Variants in ZNF628 observed in about 807,000 individuals in gnomAD.
ZNF628 encodes the protein zinc finger protein 628, also known as zinc finger protein Zec.
ZNF628 carries 3 observed loss-of-function variants against 2.5 expected under a neutral mutation model. That is an observed-to-expected ratio of 1.19 (90% CI 0.54 to 3.07). The LOEUF is 3.07. ZNF628 is among the 30% of genes most tolerant of loss of function. The pLI is 0.03. For synonymous variants in ZNF628, 861 were observed against 717.1 expected (o/e 1.20, Z -3.21); for missense variants, 1,610 against 1,517.1 (o/e 1.06, Z -1.02).
chr19:55,483,481 C>T lies in ZNF628; in HGVS notation c.2288C>T (p.Ala763Val). 6.5e-7 allele frequency: 1 copy of T among 1,529,048 alleles called. No individual in the cohort carries two copies. The highest frequency in any genetic ancestry group is 8.8e-7 in the Non-Finnish European group (1 of 1,140,070). The allele number at this position is 1,529,048 out of a possible 1,614,324, so 94.7% of individuals were successfully genotyped here. A position where few individuals can be genotyped will look rare whatever the true frequency, so the allele number is the denominator to read the frequency against. ...GGCCGTGCAAGGCAGGGCCCGCGGG[C>T]AGTGGGGAAAGCGGGCCAGGGGGCG... ...GGGRARQGPR[A>V]VGKAGQGAGV... The change falls in exon 3 of 3, where the codon GCA becomes GTA. Residue 763 changes from alanine (A) to valine (V), a missense_variant. This residue lies in a region of ZNF628 where 712 missense variants were observed against 603.6 expected (regional missense o/e 1.18). Transcript: ENST00000598519.
rs1348721418 is a variant in ZNF628, at chr19:55,483,930, G to C, written c.2737G>C (p.Glu913Gln). Residue 913 changes from glutamate (E) to glutamine (Q), a missense_variant, in exon 3 of 3, where the codon GAG (glutamate) becomes CAG (glutamine). Around this residue, in one of 5 missense-constraint regions of ZNF628, gnomAD observed 712 missense variants for 603.6 expected, o/e 1.18. Coordinates refer to ENST00000598519, the MANE Select transcript of ZNF628 (RefSeq NM_033113.3). ...GGGCCCCGGGGAGGCGGGGGATGGC[G>C]AGGCCAGCACTGGTGTGGTCCAGGA... The part of the protein sequence containing the change: ...GPGPGEAGDG[E>Q]ASTGVVQDVL... 5 of 1,576,500 alleles carry C rather than the reference G, an allele frequency of 3.2e-6. No individual in the cohort carries two copies. The South Asian group carries it at 4.7e-5, about 15-fold the overall frequency.
Position 55,483,188 on chromosome 19 carries a change from A to G in ZNF628, c.1995A>G (p.Pro665=). ...APAAGPQPPA[P]LAAARAPPAT... is the part of the protein sequence containing the mutation. ...CCGCCGGCCCCCAGCCCCCTGCTCC[A>G]CTGGCTGCTGCGCGGGCCCCGCCAG... Residue 665 remains proline, a synonymous_variant, in exon 3 of 3, where the codon CCA becomes CCG. Transcript: ENST00000598519. 1.3e-6 allele frequency: 2 copies of G among 1,549,114 alleles called. No homozygotes were observed. The highest frequency in any genetic ancestry group is 2.3e-5 in the South Asian group (2 of 85,208).
chr19:55,482,056 A>C lies in ZNF628; in HGVS notation c.863A>C (p.Glu288Ala), dbSNP rs1042062991. ...CCTGAGCTCTTTTTGGCGGCGGCGG[A>C]GACCACGGTGGAGCTGGTGTACCGC... The part of the protein sequence containing the change: ...VVPELFLAAA[E>A]TTVELVYRCD... Residue 288 changes from glutamate to alanine, a missense_variant, in exon 3 of 3, where the codon GAG (glutamate) becomes GCG (alanine). Transcript: ENST00000598519. 7 of 1,405,136 alleles carry C rather than the reference A, an allele frequency of 5.0e-6. No homozygotes were observed. In the East Asian group the frequency reaches 1.1e-4, roughly 22 times the overall value. 87.0% of individuals were successfully genotyped at this position (1,405,136 alleles called of 1,614,324 possible). A position where few individuals can be genotyped will look rare whatever the true frequency, so the allele number is the denominator to read the frequency against.
rs1190218386 is a variant in ZNF628, at chr19:55,483,209, G to A, written c.2016G>A (p.Pro672=). ...CTCCACTGGCTGCTGCGCGGGCCCC[G>A]CCAGCCACCCAAGATGTCCACGTCC... ...PPAPLAAARA[P]PATQDVHVLP... Residue 672 remains proline, a synonymous_variant, in exon 3 of 3, where the codon CCG becomes CCA. Coordinates refer to ENST00000598519, the MANE Select transcript of ZNF628 (RefSeq NM_033113.3). 1.3e-6 allele frequency: 2 copies of A among 1,542,152 alleles called. No homozygotes were observed. The highest frequency in any genetic ancestry group is 8.7e-7 in the Non-Finnish European group (1 of 1,150,592).
chr19:55,479,955 G>A lies in ZNF628; in HGVS notation c.7+38G>A, dbSNP rs1986657311. ...GGAGTGCATGGGCCAGAGACATGTA[G>A]TGTGAGCCAGGGAGGGTGATGGTGA... is the stretch of plus-strand genomic sequence containing the variant. On this transcript the variant is annotated intron_variant, in intron 2 of 2. Coordinates refer to ENST00000598519, the MANE Select transcript of ZNF628 (RefSeq NM_033113.3). This position sits in a 1 kb window ranked among gnomAD's most constrained non-coding sequence, Gnocchi z 5.1. 1 of 399,188 alleles carries A rather than the reference G, an allele frequency of 2.5e-6. No homozygotes were observed. Among genetic ancestry groups the A allele is most frequent in the African/African-American group, 2.1e-5 (1 of 48,622 alleles). The allele number at this position is 399,188 out of a possible 1,614,324, so 24.7% of individuals were successfully genotyped here.
intron 1 of ZNF628, among the ~76,000 whole-genome samples, chr19:55,477,025 T>A (rs1358102538): frequency 6.6e-6 from 1 of 152,326 alleles, no homozygotes; most frequent in African/African-American, 2.4e-5. Flanking sequence ...TACAGAAGCT[T>A]TCTGACTTAA....
chr19:55,481,869 C>G lies in ZNF628; in HGVS notation c.676C>G (p.His226Asp). 6.4e-7 allele frequency: 1 copy of G among 1,560,414 alleles called. No homozygotes were observed. The highest frequency in any genetic ancestry group is 8.7e-7 in the Non-Finnish European group (1 of 1,155,620). ...SSNLLLHQRT[H>D]GAAPAPGTAS... ...CAACCTGCTGCTGCACCAGCGCACG[C>G]ACGGCGCCGCCCCCGCCCCGGGTAC... is the stretch of plus-strand genomic sequence containing the variant. The change falls in exon 3 of 3, where the codon CAC (histidine) becomes GAC (aspartate). Residue 226 changes from histidine to aspartate, a missense_variant. Around this residue, in one of 5 missense-constraint regions of ZNF628, gnomAD observed 651 missense variants for 575.6 expected, o/e 1.13. Coordinates refer to ENST00000598519, the MANE Select transcript of ZNF628 (RefSeq NM_033113.3).
At chr19:55,481,078 G>C in intron 2 of ZNF628, 123 bp from the exon 3 acceptor site, 1 of 1,301,460 alleles carries the variant, frequency 7.7e-7, no homozygotes, top group African/African-American at 1.5e-5. Context: ...TCCTAAGGAA[G>C]GTCCCCTGCA....
chr19:55,477,319 A>G (rs1254472754), intron 1 of ZNF628, among the ~76,000 whole-genome samples: 2 of 151,556 alleles, frequency 1.3e-5, no homozygotes, highest in Non-Finnish European at 2.9e-5. Context: ...GGGCTTCTCA[A>G]AGGCACGTGC....
At position 55,481,433 on chromosome 19, in the gene ZNF628, C is replaced by T. The variant is rs761959264; in HGVS notation, c.240C>T (p.Leu80=). 81 of 1,610,532 alleles carry T rather than the reference C, an allele frequency of 5.0e-5. No homozygotes were observed. Among genetic ancestry groups the T allele is most frequent in the Non-Finnish European group, 6.1e-5 (72 of 1,179,040 alleles). ...PKAFKGSSAL[L]YHQRGHTGER... ...CTTTCAAAGGCTCCTCGGCCCTGCT[C>T]TACCACCAGCGAGGCCACACGGGCG... The change falls in exon 3 of 3, where the codon CTC becomes CTT. Residue 80 remains leucine, a synonymous_variant. Transcript: ENST00000598519.
In ZNF628 at chr19:55,483,549, G is replaced by A. The variant is rs1397163537; in HGVS notation, c.2356G>A (p.Gly786Arg). 1.3e-6 allele frequency: 2 copies of A among 1,587,656 alleles called. No individual in the cohort carries two copies. The highest frequency in any genetic ancestry group is 1.2e-5 in the South Asian group (1 of 86,698). ...AGGCCCTGGGGGTCTAGGGGTGCAG[G>A]GAGCGGCCAGCGCTGGGGCCAGCGG... ...LPGPGGLGVQ[G>R]AASAGASGTG... The change falls in exon 3 of 3, where the codon GGA (glycine) becomes AGA (arginine). Residue 786 changes from glycine (G) to arginine (R), a missense_variant. By Grantham distance (125) the Gly-to-Arg change is moderately radical. Transcript: ENST00000598519.
At position 55,484,436 on chromosome 19, in the gene ZNF628, G is replaced by A; in HGVS notation, c.*63G>A. On this transcript the variant is annotated 3_prime_UTR_variant, in exon 3 of 3. Coordinates refer to ENST00000598519, the MANE Select transcript of ZNF628 (RefSeq NM_033113.3). ...CCCCGACTCACTGCCAGCCGGGGCG[G>A]GGCAGGGTGCCGCAGGCTGGGCTTG... 7.3e-7 allele frequency: 1 copy of A among 1,375,406 alleles called. No individual in the cohort carries two copies. Among genetic ancestry groups the A allele is most frequent in the East Asian group, 2.7e-5 (1 of 37,680 alleles). 85.2% of individuals were successfully genotyped at this position (1,375,406 alleles called of 1,614,324 possible).
intron 1 of ZNF628, among the ~76,000 whole-genome samples, chr19:55,477,353 G>GTTTTTTTTTTTTTTTTTTTT (rs60568698): frequency 6.8e-6 from 1 of 146,856 alleles, no homozygotes; most frequent in African/African-American, 2.5e-5. Context: ...CAGTAGGTTT[G>GTTTTTTTTTTTTTTTTTTTT]TTTTTTTTTT....
chr19:55,483,307 C>T lies in ZNF628; in HGVS notation c.2114C>T (p.Ala705Val). 1 of 1,524,142 alleles carries T rather than the reference C, an allele frequency of 6.6e-7. No homozygotes were observed. Among genetic ancestry groups the T allele is most frequent in the Non-Finnish European group, 8.8e-7 (1 of 1,139,254 alleles). The allele number at this position is 1,524,142 out of a possible 1,614,324, so 94.4% of individuals were successfully genotyped here. The change falls in exon 3 of 3, where the codon GCA (alanine) becomes GTA (valine). Residue 705 changes from alanine (A) to valine (V), a missense_variant. Coordinates refer to ENST00000598519, the MANE Select transcript of ZNF628 (RefSeq NM_033113.3). ...GTAQAPSLGP[A>V]APNSQTFLLV... ...GCCCAGGCCCCGAGCTTGGGGCCAG[C>T]AGCGCCCAACTCTCAGACGTTCCTC...
chr19:55,482,660 G>T lies in ZNF628; in HGVS notation c.1467G>T (p.Lys489Asn). 6.2e-7 allele frequency: 1 copy of T among 1,612,150 alleles called. No individual in the cohort carries two copies. The highest frequency in any genetic ancestry group is 8.5e-7 in the Non-Finnish European group (1 of 1,179,424). ...CCTACCAGTGTGGCGAGTGCGGCAA[G>T]GCCTTCAAGCGCTCCTCCCTGCTGG... ...ERPYQCGECG[K>N]AFKRSSLLAI... The change falls in exon 3 of 3, where the codon AAG becomes AAT. Residue 489 changes from lysine (K) to asparagine (N), a missense_variant. Transcript: ENST00000598519.
rs760005200 is a variant in ZNF628 at position 55,483,435 on chromosome 19, T to C, written c.2242T>C (p.Ser748Pro). 3 of 1,516,462 alleles carry C rather than the reference T, an allele frequency of 2.0e-6. 1 individual carries two copies. The South Asian group carries it at 3.8e-5, about 19-fold the overall frequency. The allele number at this position is 1,516,462 out of a possible 1,614,324, so 93.9% of individuals were successfully genotyped here. A position where few individuals can be genotyped will look rare whatever the true frequency, so the allele number is the denominator to read the frequency against. ...APPKLILLPS[S>P]SAGAGGGRAR... ...TCCCAAGCTCATCCTGCTGCCCTCC[T>C]CCAGTGCTGGGGCTGGGGGCGGCCG... The change falls in exon 3 of 3, where the codon TCC becomes CCC. Residue 748 changes from serine (S) to proline (P), a missense_variant. Ser to Pro is a moderately conservative substitution (Grantham distance 74). This residue lies in a region of ZNF628 where 712 missense variants were observed against 603.6 expected (regional missense o/e 1.18). Transcript: ENST00000598519.
chr19:55,483,373 G>C lies in ZNF628; in HGVS notation c.2180G>C (p.Ser727Thr). 1 of 1,542,808 alleles carries C rather than the reference G, an allele frequency of 6.5e-7. No individual in the cohort carries two copies. The highest frequency in any genetic ancestry group is 8.7e-7 in the Non-Finnish European group (1 of 1,146,120). The change falls in exon 3 of 3, where the codon AGC (serine) becomes ACC (threonine). Residue 727 changes from serine (S) to threonine (T), a missense_variant. Ser to Thr is a moderately conservative substitution (Grantham distance 58, BLOSUM62 1). Around this residue, in one of 5 missense-constraint regions of ZNF628, gnomAD observed 712 missense variants for 603.6 expected, o/e 1.18. Transcript: ENST00000598519. ...CAGGGCCTCCAGCTGATCCCCAGCA[G>C]CGTGCAGCCCCCTACACCTCCGCCC... ...TAQGLQLIPS[S>T]VQPPTPPPPP...
Position 55,481,222 on chromosome 19 carries a change from C to A in ZNF628, c.29C>A (p.Ala10Glu). The A allele has an allele frequency of 6.4e-7, 1 of 1,560,786 alleles. No individual in the cohort carries two copies. Among genetic ancestry groups the A allele is most frequent in the Non-Finnish European group, 8.6e-7 (1 of 1,156,286 alleles). ...CCAGGTGTGATGGTCGGCTCCCACG[C>A]GGACATGGCGCCGGCCTCTACTGCG... Reference protein sequence around the residue: MSGVMVGSHADMAPASTAEG... With the variant: MSGVMVGSHEDMAPASTAEG... The change falls in exon 3 of 3, where the codon GCG becomes GAG. Residue 10 changes from alanine (A) to glutamate (E), a missense_variant. By Grantham distance (107) the Ala-to-Glu change is moderately radical. This residue lies in a region of ZNF628 where 60 missense variants were observed against 46.8 expected (regional missense o/e 1.28). Coordinates refer to ENST00000598519, the MANE Select transcript of ZNF628 (RefSeq NM_033113.3).
rs1599901184 is a variant in ZNF628 at position 55,483,062 on chromosome 19, C to T, written c.1869C>T (p.Thr623=). 6 of 1,610,788 alleles carry T rather than the reference C, an allele frequency of 3.7e-6. No homozygotes were observed. Among genetic ancestry groups the T allele is most frequent in the Non-Finnish European group, 4.2e-6 (5 of 1,179,454 alleles). Residue 623 remains threonine, a synonymous_variant, in exon 3 of 3, where the codon ACC becomes ACT. Transcript: ENST00000598519. ...QRTHSAERPF[T]CPICGRGFVM... is the part of the protein sequence containing the mutation. ...CGCACTCGGCGGAGCGCCCCTTCAC[C>T]TGCCCCATCTGCGGTCGCGGCTTCG...
Sources: gnomAD v4.1 joint callset for allele counts (sites outside exome capture counted in the v4.1 genomes callset) on GRCh38, gnomAD v4.1.1 for gene constraint, gnomAD v4.1.1 regional missense constraint, Gnocchi (gnomAD v3.1) non-coding constraint, MANE v1.5 for transcripts, NCBI Gene and HGNC (gene_info 2026-07-23, HGNC 2026-07-21) for gene names.